ACOXL: variants seen among roughly 807,000 people sequenced by gnomAD.
ACOXL encodes acyl-CoA oxidase like.
ACOXL carries 70 observed loss-of-function variants against 71.9 expected under a neutral mutation model. The ratio of observed to expected loss-of-function variants is 0.97; its 90% confidence interval spans 0.80 to 1.19. ACOXL has a LOEUF of 1.19. ACOXL is among the 50% of genes most tolerant of loss of function. ACOXL has a pLI of 0.00. For synonymous variants in ACOXL, 253 were observed against 281.6 expected (o/e 0.90, Z 1.02); for missense variants, 703 against 736.3 (o/e 0.95, Z 0.52).
At chr2:110,967,950 G>A in intron 12 of ACOXL, 3 of 942,584 alleles carry the variant, frequency 3.2e-6, no homozygotes, top group Non-Finnish European at 3.4e-6. Context: ...TGGAGATACA[G>A]GATAAAAATA....
At chr2:110,862,622 G>C (rs1051413766) in intron 10 of ACOXL, among the ~76,000 whole-genome samples, 4 of 152,220 alleles carry the variant, frequency 2.6e-5, no homozygotes, top group African/African-American at 9.7e-5. Context: ...TGTGTTGGGC[G>C]GAAGCCCAGA....
intron 16 of ACOXL, among the ~76,000 whole-genome samples, chr2:111,083,435 C>T (rs529746324): frequency 6.6e-6 from 1 of 152,278 alleles, no homozygotes; most frequent in East Asian, 1.9e-4. Flanking sequence ...GAGAGATCAG[C>T]AAACTTCCAA....
chr2:110,829,294 T>C (rs976874191), intron 9 of ACOXL, among the ~76,000 whole-genome samples: 4 of 152,204 alleles, frequency 2.6e-5, no homozygotes, highest in Non-Finnish European at 4.4e-5. Flanking sequence ...TGCATGATAG[T>C]GTAAGTTCAG....
chr2:110,944,386 AT>A (rs1371627864), intron 12 of ACOXL, among the ~76,000 whole-genome samples: 2 of 151,578 alleles, frequency 1.3e-5, no homozygotes, highest in Non-Finnish European at 2.9e-5. Flanking sequence ...TCAGGGTTAC[AT>A]TTGCAGGTTT....
chr2:111,113,350 T>C (rs2070124790), intron 17 of ACOXL, among the ~76,000 whole-genome samples: 1 of 152,150 alleles, frequency 6.6e-6, no homozygotes, highest in South Asian at 2.1e-4. Context: ...CCTAAAGCCC[T>C]CCTCTGTAAT....
intron 10 of ACOXL, among the ~76,000 whole-genome samples, chr2:110,855,286 G>C (rs894900202): frequency 6.6e-6 from 1 of 152,296 alleles, no homozygotes; most frequent in South Asian, 2.1e-4. Flanking sequence ...TTGCTTAAAC[G>C]CTTCCTCATT....
intron 15 of ACOXL, among the ~76,000 whole-genome samples, chr2:111,042,369 CAT>C (rs2065824796): frequency 6.6e-6 from 1 of 152,256 alleles, no homozygotes; most frequent in South Asian, 2.1e-4. Flanking sequence ...CCCACACACA[CAT>C]GGAGCAGGAG....
chr2:110,795,388 T>C (rs17041539), intron 5 of ACOXL, among the ~76,000 whole-genome samples: 8,469 of 152,214 alleles, frequency 0.056, 398 homozygotes, highest in African/African-American at 0.12. Flanking sequence ...TGACCACTCG[T>C]AAAGTGCCAT....
At chr2:110,930,015 G>A (rs2060421198) in intron 11 of ACOXL, among the ~76,000 whole-genome samples, 1 of 152,188 alleles carries the variant, frequency 6.6e-6, no homozygotes, top group South Asian at 2.1e-4. Flanking sequence ...TGGGGTTGAA[G>A]CCCCTACACA....
rs1376788214 is a variant in ACOXL, at chr2:111,118,408, G to A, written c.*592G>A. Among the ~76,000 whole-genome samples the A allele has an allele frequency of 3.9e-5, 6 of 152,226 alleles. No homozygotes were observed. Among genetic ancestry groups the A allele is most frequent in the Non-Finnish European group, 7.3e-5 (5 of 68,050 alleles). The stretch of plus-strand genomic sequence containing the variant: ...TAGAGTTTTGCTCTCGGCAAAACAA[G>A]AACTCGGCTTGTCCTCCCAGGCCGG... On this transcript the variant is annotated 3_prime_UTR_variant, in exon 18 of 18. Coordinates refer to ENST00000439055, the MANE Select transcript of ACOXL (RefSeq NM_001142807.4).
chr2:110,853,573 A>G (rs971989184), intron 10 of ACOXL, among the ~76,000 whole-genome samples: 7 of 152,238 alleles, frequency 4.6e-5, no homozygotes, highest in Non-Finnish European at 1.0e-4. Flanking sequence ...ATAGAAATTA[A>G]ATCAGCTTTC....
At chr2:110,851,640 C>T (rs1692614239) in intron 10 of ACOXL, among the ~76,000 whole-genome samples, 4 of 152,168 alleles carry the variant, frequency 2.6e-5, no homozygotes, top group Admixed American at 2.6e-4. Context: ...CCCGAGGCAC[C>T]ACCTTGTTTT....
At chr2:110,859,240 A>G (rs1451683188) in intron 10 of ACOXL, among the ~76,000 whole-genome samples, 2 of 152,202 alleles carry the variant, frequency 1.3e-5, no homozygotes, top group East Asian at 1.9e-4. Flanking sequence ...ATTTGACCGG[A>G]CGCTGTGTAG....
chr2:110,871,893 G>A (rs991208450), intron 10 of ACOXL, among the ~76,000 whole-genome samples: 1 of 152,162 alleles, frequency 6.6e-6, no homozygotes, highest in Non-Finnish European at 1.5e-5. Flanking sequence ...CCACAGGCTT[G>A]TTCTGCCTCC....
At chr2:110,794,010 G>A (rs185346097) in intron 4 of ACOXL, 66 bp from the exon 5 acceptor site, 230 of 1,505,132 alleles carry the variant, frequency 1.5e-4, no homozygotes, top group African/African-American at 4.1e-5. Flanking sequence ...TTAATGGTCC[G>A]AGGGGTCTGC....
chr2:110,783,150 C>A (rs1004314874), intron 2 of ACOXL, among the ~76,000 whole-genome samples: 4 of 152,200 alleles, frequency 2.6e-5, no homozygotes, highest in African/African-American at 9.6e-5. Context: ...TTTGACCTCC[C>A]TGAGCCTGGG....
intron 10 of ACOXL, among the ~76,000 whole-genome samples, chr2:110,908,149 A>G (rs1297486157): frequency 1.3e-5 from 2 of 152,228 alleles, no homozygotes; most frequent in Non-Finnish European, 2.9e-5. Flanking sequence ...GTCCCTGGGC[A>G]TTGCCTGTGG....
At chr2:110,942,523 C>T (rs2060902926) in intron 12 of ACOXL, among the ~76,000 whole-genome samples, 1 of 152,122 alleles carries the variant, frequency 6.6e-6, no homozygotes, top group African/African-American at 2.4e-5. Flanking sequence ...TATTACAATT[C>T]TAAACGGTTA....
intron 16 of ACOXL, among the ~76,000 whole-genome samples, chr2:111,084,258 TACACAC>T (rs61263209): frequency 0.31 from 41,305 of 134,656 alleles, 6,271 homozygotes; most frequent in Middle Eastern, 0.44. Context: ...ATCTAAGGAA[TACACAC>T]ACACACACAC....
Sources: gnomAD v4.1 joint callset for allele counts (sites outside exome capture counted in the v4.1 genomes callset) on GRCh38, gnomAD v4.1.1 for gene constraint, MANE v1.5 for transcripts, NCBI Gene and HGNC (gene_info 2026-07-23, HGNC 2026-07-21) for gene names.